CCM2: variants seen among roughly 807,000 people sequenced by gnomAD.
The protein encoded by CCM2 is cerebral cavernous malformations 2 protein.
In CCM2, 25 loss-of-function variants were observed where a neutral mutation model predicts 44.9. The ratio of observed to expected loss-of-function variants is 0.56; its 90% confidence interval spans 0.41 to 0.78. The LOEUF (loss-of-function observed/expected upper bound fraction) is 0.78, where lower values mean the gene tolerates loss of function less well. Among genes scored for constraint, CCM2 ranks in the 30% least tolerant of loss-of-function variants. CCM2 has a pLI of 0.00. For missense variants in CCM2, 481 were observed against 580.6 expected (o/e 0.83, Z 1.76); for synonymous variants, 219 against 241.1 (o/e 0.91, Z 0.85).
chr7:45,001,145 C>A (rs895808498), intron 1 of CCM2, among the ~76,000 whole-genome samples: 3 of 152,104 alleles, frequency 2.0e-5, no homozygotes, highest in Non-Finnish European at 2.9e-5. Context: ...TAATTCCTAA[C>A]TATGATTTTA....
chr7:45,024,597 A>G (rs2128720360), intron 1 of CCM2, among the ~76,000 whole-genome samples: 1 of 152,314 alleles, frequency 6.6e-6, no homozygotes, highest in South Asian at 2.1e-4. Flanking sequence ...TTTAGAGTGT[A>G]AAGATCCCAA....
intron 6 of CCM2, 111 bp downstream of exon 6, chr7:45,070,072 CA>C: frequency 7.2e-7 from 1 of 1,394,326 alleles, no homozygotes; most frequent in Middle Eastern, 2.1e-4. Flanking sequence ...ACTGCCGTGA[CA>C]TGGTGGCCTT....
intron 1 of CCM2, among the ~76,000 whole-genome samples, chr7:45,019,289 G>A (rs1016571431): frequency 6.6e-6 from 1 of 151,962 alleles, no homozygotes; most frequent in African/African-American, 2.4e-5. Flanking sequence ...TGCTCAGGCT[G>A]GTCTTGAACT....
intron 1 of CCM2, among the ~76,000 whole-genome samples, chr7:45,021,384 A>G (rs1583862877): frequency 6.6e-6 from 1 of 151,966 alleles, no homozygotes; most frequent in Non-Finnish European, 1.5e-5. Context: ...CCAACATGGT[A>G]AAACCCCCGA....
At chr7:45,066,131 A>G (rs955988190) in intron 4 of CCM2, among the ~76,000 whole-genome samples, 2 of 152,064 alleles carry the variant, frequency 1.3e-5, no homozygotes, top group Admixed American at 6.5e-5. Context: ...CATAGGAGAA[A>G]CTTTCCAAAA....
chr7:45,002,951 G>A (rs1200551021), intron 1 of CCM2, among the ~76,000 whole-genome samples: 1 of 152,142 alleles, frequency 6.6e-6, no homozygotes, highest in Non-Finnish European at 1.5e-5. Flanking sequence ...GACCACTTGG[G>A]GCTGCTCTTC....
chr7:45,066,258 G>T (rs17172330), intron 4 of CCM2, among the ~76,000 whole-genome samples: 34,178 of 151,994 alleles, frequency 0.22, 3,851 homozygotes, highest in Admixed American at 0.26. Flanking sequence ...CGGAGCAGTT[G>T]TGTGTCCCCT....
chr7:45,030,520 C>T (rs1264067228), intron 1 of CCM2, among the ~76,000 whole-genome samples: 1 of 152,144 alleles, frequency 6.6e-6, no homozygotes, highest in East Asian at 1.9e-4. Flanking sequence ...ACTGCAGCCT[C>T]AACCTCCCAA....
At chr7:45,041,484 T>C (rs553280708) in intron 2 of CCM2, among the ~76,000 whole-genome samples, 6 of 152,134 alleles carry the variant, frequency 3.9e-5, no homozygotes, top group Non-Finnish European at 8.8e-5. Flanking sequence ...TTTTGCCTCA[T>C]GTAGCCCAGA....
At chr7:45,025,288 A>G (rs546251716) in intron 1 of CCM2, among the ~76,000 whole-genome samples, 1 of 152,232 alleles carries the variant, frequency 6.6e-6, no homozygotes, top group East Asian at 1.9e-4. Context: ...GGGGGCTAAC[A>G]TTTTGCTTAA....
chr7:45,064,405 C>A, intron 3 of CCM2, 58 bp from the exon 4 acceptor site: 2 of 1,544,722 alleles, frequency 1.3e-6, no homozygotes, highest in Non-Finnish European at 1.8e-6. Context: ...TCAGGAGAAG[C>A]GCCCCATGCC....
At chr7:45,070,387 A>G (rs1469208466) in intron 6 of CCM2, 1 of 447,276 alleles carries the variant, frequency 2.2e-6, no homozygotes, top group Non-Finnish European at 4.5e-6. Flanking sequence ...AACTCCTTCC[A>G]GGACCATGGC....
At position 45,049,179 on chromosome 7, in the gene CCM2, A is replaced by G. The variant is rs1167023172; in HGVS notation, c.204+10753A>G. Among the ~76,000 whole-genome samples, 5 of 151,962 alleles carry G rather than the reference A, an allele frequency of 3.3e-5. No homozygotes were observed. In the East Asian group the frequency reaches 5.8e-4, roughly 18 times the overall value. ...GCCATGTTGCCCAGGCTGGTCTCGA[A>G]CTCCTGTGCTCAAGCGATCCTCCTG... On this transcript the variant is annotated intron_variant, in intron 2 of 9. Transcript: ENST00000258781.
chr7:45,046,819 C>T (rs1327957461), intron 2 of CCM2, among the ~76,000 whole-genome samples: 1 of 152,100 alleles, frequency 6.6e-6, no homozygotes, highest in East Asian at 1.9e-4. Context: ...TATTTTTAAA[C>T]CACATATCTG....
At chr7:45,053,772 A>T (rs1798120227) in intron 2 of CCM2, among the ~76,000 whole-genome samples, 1 of 152,156 alleles carries the variant, frequency 6.6e-6, no homozygotes, top group Non-Finnish European at 1.5e-5. Context: ...CATTAGTGCC[A>T]TGGTTGATGG....
intron 2 of CCM2, among the ~76,000 whole-genome samples, chr7:45,062,842 A>AT (rs1798588626): frequency 6.7e-6 from 1 of 148,230 alleles, no homozygotes; most frequent in Admixed American, 6.8e-5. Context: ...AAAAAAAAAA[A>AT]TCGTATCGTT....
intron 1 of CCM2, among the ~76,000 whole-genome samples, chr7:45,010,946 C>T (rs780515487): frequency 6.6e-6 from 1 of 152,074 alleles, no homozygotes; most frequent in Non-Finnish European, 1.5e-5. Context: ...GGGTAAATAC[C>T]TAATAATGGA....
At chr7:45,073,327 A>G in intron 7 of CCM2, 133 bp from the exon 8 acceptor site, 2 of 689,566 alleles carry the variant, frequency 2.9e-6, no homozygotes, top group Admixed American at 2.0e-5. Flanking sequence ...TCCTCTCATC[A>G]TCATCATCAT....
chr7:45,007,526 T>A (rs1795894485), intron 1 of CCM2, among the ~76,000 whole-genome samples: 1 of 152,224 alleles, frequency 6.6e-6, no homozygotes, highest in Non-Finnish European at 1.5e-5. Context: ...TCCTTAGCCT[T>A]GTGTCTGTGC....
Sources: gnomAD v4.1 joint callset for allele counts (sites outside exome capture counted in the v4.1 genomes callset) on GRCh38, gnomAD v4.1.1 for gene constraint, MANE v1.5 for transcripts, NCBI Gene and HGNC (gene_info 2026-07-23, HGNC 2026-07-21) for gene names.